Variants in CNTNAP5 observed in about 807,000 individuals in gnomAD.
The protein encoded by CNTNAP5 is contactin-associated protein-like 5.
A neutral mutation model predicts 150.2 loss-of-function variants in CNTNAP5; 72 were observed. That is an observed-to-expected ratio of 0.48 (90% CI 0.40 to 0.58). The LOEUF is 0.58. Ranked by LOEUF, CNTNAP5 falls within the 20% of genes least tolerant of loss-of-function variation. The pLI, the probability that CNTNAP5 is intolerant of heterozygous loss-of-function variation, is 0.00. For synonymous variants in CNTNAP5, 672 were observed against 619.8 expected, an observed-to-expected ratio of 1.08 and a Z score of -1.25; for missense variants, 1,636 against 1,626.2, an observed-to-expected ratio of 1.01 and a Z score of -0.10.
At chr2:124,825,559 G>A (rs530532563) in intron 19 of CNTNAP5, among the ~76,000 whole-genome samples, 3 of 152,288 alleles carry the variant, frequency 2.0e-5, no homozygotes, top group South Asian at 4.1e-4. Flanking sequence ...TCTTCAGGGT[G>A]AGAAATGAAT....
intron 3 of CNTNAP5, among the ~76,000 whole-genome samples, chr2:124,260,581 A>G (rs1206084799): frequency 2.0e-5 from 3 of 152,228 alleles, no homozygotes; most frequent in South Asian, 4.1e-4. Flanking sequence ...TGAATAGGCA[A>G]CCTACAGAAG....
intron 17 of CNTNAP5, among the ~76,000 whole-genome samples, chr2:124,786,041 C>G (rs1681560082): frequency 6.6e-6 from 1 of 151,808 alleles, no homozygotes; most frequent in Non-Finnish European, 1.5e-5. Flanking sequence ...TTTGAGATAG[C>G]CTGGGCAACA....
chr2:124,312,458 G>A (rs536193090), intron 3 of CNTNAP5, among the ~76,000 whole-genome samples: 78 of 134,222 alleles, frequency 5.8e-4, no homozygotes, highest in South Asian at 1.6e-3. Flanking sequence ...CCCGCCCCCC[G>A]GCTTCAAGTG....
intron 3 of CNTNAP5, among the ~76,000 whole-genome samples, chr2:124,277,293 G>A (rs1201937460): frequency 6.6e-6 from 1 of 152,146 alleles, no homozygotes; most frequent in Non-Finnish European, 1.5e-5. Context: ...TATACCTGAA[G>A]GGTAGAAAGC....
chr2:124,764,886 T>C (rs1208879014), intron 16 of CNTNAP5, among the ~76,000 whole-genome samples: 1 of 152,178 alleles, frequency 6.6e-6, no homozygotes, highest in Non-Finnish European at 1.5e-5. Context: ...CATACCTATA[T>C]ATTGCTCTGT....
intron 12 of CNTNAP5, among the ~76,000 whole-genome samples, chr2:124,632,008 A>G (rs755563671): frequency 6.6e-6 from 1 of 152,158 alleles, no homozygotes. Flanking sequence ...CAAAACCACA[A>G]TGAGATACTA....
chr2:124,478,113 A>C (rs556160003), intron 7 of CNTNAP5, among the ~76,000 whole-genome samples: 1 of 152,102 alleles, frequency 6.6e-6, no homozygotes, highest in South Asian at 2.1e-4. Flanking sequence ...CTGAATAAGC[A>C]GAGCAAAAAA....
chr2:124,484,019 T>G (rs2104842600), intron 7 of CNTNAP5, among the ~76,000 whole-genome samples: 1 of 152,334 alleles, frequency 6.6e-6, no homozygotes, highest in East Asian at 1.9e-4. Context: ...CCCATTTGGC[T>G]TTTCCACTTC....
At chr2:124,892,315 A>G (rs1000648436) in intron 21 of CNTNAP5, among the ~76,000 whole-genome samples, 7 of 152,178 alleles carry the variant, frequency 4.6e-5, no homozygotes, top group African/African-American at 1.7e-4. Flanking sequence ...GAACAATGAT[A>G]TAAATTTCCA....
intron 1 of CNTNAP5, among the ~76,000 whole-genome samples, chr2:124,142,437 A>G (rs1383781901): frequency 5.9e-5 from 9 of 151,774 alleles, no homozygotes; most frequent in South Asian, 2.1e-4. Context: ...ATAACAAACT[A>G]TCTCTCAGAC....
chr2:124,165,884 G>A (rs959681420), intron 1 of CNTNAP5, among the ~76,000 whole-genome samples: 1 of 152,122 alleles, frequency 6.6e-6, no homozygotes, highest in Non-Finnish European at 1.5e-5. Flanking sequence ...ATGGAGCGGC[G>A]CAGTGACCGG....
At chr2:124,073,471 G>A (rs1413799982) in intron 1 of CNTNAP5, among the ~76,000 whole-genome samples, 5 of 152,068 alleles carry the variant, frequency 3.3e-5, no homozygotes, top group Non-Finnish European at 5.9e-5. Context: ...TCTGACAAGG[G>A]ATTAATAACC....
At chr2:124,669,652 T>A (rs1490857743) in intron 13 of CNTNAP5, among the ~76,000 whole-genome samples, 1 of 152,204 alleles carries the variant, frequency 6.6e-6, no homozygotes, top group Non-Finnish European at 1.5e-5. Context: ...CCAAAATAAT[T>A]TCCTGATCTT....
intron 13 of CNTNAP5, among the ~76,000 whole-genome samples, chr2:124,690,012 C>G: frequency 6.8e-6 from 1 of 146,004 alleles, no homozygotes; most frequent in African/African-American, 2.5e-5. Flanking sequence ...CTTTCATCTT[C>G]ACTTACGGGA....
At chr2:124,410,174 G>A in intron 3 of CNTNAP5, among the ~76,000 whole-genome samples, 1 of 151,630 alleles carries the variant, frequency 6.6e-6, no homozygotes, top group East Asian at 1.9e-4. Flanking sequence ...AACAAGAAGA[G>A]CTAACTATCC....
intron 6 of CNTNAP5, among the ~76,000 whole-genome samples, chr2:124,453,013 T>A (rs1443588022): frequency 6.6e-6 from 1 of 151,938 alleles, no homozygotes; most frequent in African/African-American, 2.4e-5. Context: ...CAGCAATGGA[T>A]CCAAATCAAG....
chr2:124,496,835 C>T (rs1202843280), intron 7 of CNTNAP5, among the ~76,000 whole-genome samples: 2 of 152,216 alleles, frequency 1.3e-5, no homozygotes, highest in African/African-American at 2.4e-5. Context: ...TCTTCACCAA[C>T]CCATGCATCC....
intron 3 of CNTNAP5, among the ~76,000 whole-genome samples, chr2:124,395,195 T>G (rs1691215260): frequency 6.6e-6 from 1 of 152,128 alleles, no homozygotes; most frequent in Non-Finnish European, 1.5e-5. Flanking sequence ...ACACACATAG[T>G]TATAATACAA....
chr2:124,743,249 A>G (rs1680536347), intron 13 of CNTNAP5, among the ~76,000 whole-genome samples: 1 of 152,236 alleles, frequency 6.6e-6, no homozygotes, highest in Admixed American at 6.5e-5. Flanking sequence ...TAGAGATTTC[A>G]GAGATTTAAA....
Sources: gnomAD v4.1 joint callset for allele counts (sites outside exome capture counted in the v4.1 genomes callset) on GRCh38, gnomAD v4.1.1 for gene constraint, MANE v1.5 for transcripts, NCBI Gene and HGNC (gene_info 2026-07-23, HGNC 2026-07-21) for gene names.